Variants in COPG2 observed in about 807,000 individuals in gnomAD.
The protein encoded by COPG2 is coat protein complex I subunit gamma 2, also known as coatomer subunit gamma-2.
Under a neutral mutation model 46.3 loss-of-function variants are expected in COPG2, and 37 were observed. That is an observed-to-expected ratio of 0.80 (90% CI 0.61 to 1.05). The LOEUF is 1.05. COPG2 is among the 50% of genes least tolerant of loss of function. COPG2 has a pLI of 0.00. For missense variants in COPG2, 427 were observed against 387.8 expected, an observed-to-expected ratio of 1.10 and a Z score of -0.85; for synonymous variants, 159 against 129.7, an observed-to-expected ratio of 1.23 and a Z score of -1.53.
intron 20 of COPG2, among the ~76,000 whole-genome samples, chr7:130,521,321 A>G (rs1298241368): frequency 1.3e-5 from 2 of 152,244 alleles, no homozygotes; most frequent in African/African-American, 4.8e-5. Flanking sequence ...CATTCAGTGA[A>G]GTGGACATAA....
intron 5 of COPG2, among the ~76,000 whole-genome samples, chr7:130,647,057 T>A (rs1315065674): frequency 2.0e-5 from 3 of 149,194 alleles, no homozygotes; most frequent in African/African-American, 7.4e-5. Flanking sequence ...TTATTTATTT[T>A]TAAGATGGAA....
At chr7:130,662,131 T>A (rs1282291844) in intron 4 of COPG2, among the ~76,000 whole-genome samples, 3 of 152,176 alleles carry the variant, frequency 2.0e-5, no homozygotes, top group East Asian at 3.9e-4. Context: ...CAGTCCTTTA[T>A]CCCATATGTG....
chr7:130,615,429 C>T (rs1794934484), intron 6 of COPG2, among the ~76,000 whole-genome samples: 1 of 152,160 alleles, frequency 6.6e-6, no homozygotes, highest in Non-Finnish European at 1.5e-5. Context: ...AATGAATGCA[C>T]TTCATCTATG....
At chr7:130,536,993 T>C (rs1374569349) in intron 20 of COPG2, among the ~76,000 whole-genome samples, 1 of 130,574 alleles carries the variant, frequency 7.7e-6, no homozygotes, top group Non-Finnish European at 1.6e-5. Flanking sequence ...AGGGAGGAGG[T>C]GGGAGGAGGG....
At chr7:130,554,760 A>T in intron 13 of COPG2, 36 bp from the exon 14 acceptor site, 1 of 398,624 alleles carries the variant, frequency 2.5e-6, no homozygotes, top group South Asian at 1.3e-4. Context: ...CATTCATTCT[A>T]GGGACACATT....
chr7:130,635,038 C>T (rs1795308031), intron 5 of COPG2, among the ~76,000 whole-genome samples: 1 of 150,336 alleles, frequency 6.7e-6, no homozygotes, highest in Admixed American at 6.7e-5. Context: ...GCTGAACCAG[C>T]CTTGCATCCC....
intron 9 of COPG2, among the ~76,000 whole-genome samples, chr7:130,565,840 C>T (rs1793793911): frequency 6.6e-6 from 1 of 151,370 alleles, no homozygotes; most frequent in Admixed American, 6.6e-5. Context: ...CAGACTTGCA[C>T]AGGCAGATGA....
rs1263188076 is a variant in COPG2 at position 130,662,986 on chromosome 7, C to T, written c.224G>A (p.Arg75Gln). ...EATEAFFAMT[R>Q]LFQSNDQTLR... The stretch of plus-strand genomic sequence containing the variant: ...ACTTACATCATTAGATTGAAACAAT[C>T]GCGTCATTGCAAAGAAGGCTTCTGT... Residue 75 changes from arginine to glutamine, a missense_variant, in exon 4 of 24, where the codon CGA becomes CAA. Coordinates refer to ENST00000425248, the MANE Select transcript of COPG2 (RefSeq NM_012133.6). 10 of 1,547,748 alleles carry T rather than the reference C, an allele frequency of 6.5e-6. No individual in the cohort carries two copies. The highest frequency in any genetic ancestry group is 2.8e-5 in the African/African-American group (2 of 72,500).
At chr7:130,646,917 G>A (rs1795605199) in intron 5 of COPG2, among the ~76,000 whole-genome samples, 1 of 108,004 alleles carries the variant, frequency 9.3e-6, no homozygotes, top group South Asian at 3.0e-4. Context: ...CGGATAGTGT[G>A]TGTTTGTGTG....
intron 4 of COPG2, among the ~76,000 whole-genome samples, chr7:130,662,135 A>AT (rs1214393459): frequency 6.6e-6 from 1 of 152,164 alleles, no homozygotes; most frequent in Non-Finnish European, 1.5e-5. Flanking sequence ...CCTTTATCCC[A>AT]TATGTGAGGA....
At chr7:130,574,625 A>C (rs1350215632) in intron 9 of COPG2, among the ~76,000 whole-genome samples, 1 of 152,172 alleles carries the variant, frequency 6.6e-6, no homozygotes, top group African/African-American at 2.4e-5. Context: ...GTAATATGAC[A>C]AAACAAGGCT....
rs898857986 is a variant in COPG2 at position 130,550,665 on chromosome 7, A to C, written c.1649-16T>G. On this transcript the variant is annotated splice_polypyrimidine_tract_variant and intron_variant, in intron 16 of 23. Coordinates refer to ENST00000425248, the MANE Select transcript of COPG2 (RefSeq NM_012133.6). Reference sequence around the variant, plus strand: ...ACCGTCAAACCTGTGAAACATAGAGAAATCTCAGCATTATAACCTCTTGCC... The same window carrying C: ...ACCGTCAAACCTGTGAAACATAGAGCAATCTCAGCATTATAACCTCTTGCC... 8.3e-5 allele frequency: 33 copies of C among 396,660 alleles called. No individual in the cohort carries two copies. Among genetic ancestry groups the C allele is most frequent in the African/African-American group, 6.6e-4 (32 of 48,634 alleles). 24.6% of individuals were successfully genotyped at this position (396,660 alleles called of 1,614,324 possible). A position where few individuals can be genotyped will look rare whatever the true frequency, so the allele number is the denominator to read the frequency against.
chr7:130,574,018 T>A (rs782764171), intron 9 of COPG2, among the ~76,000 whole-genome samples: 1 of 152,180 alleles, frequency 6.6e-6, no homozygotes, highest in African/African-American at 2.4e-5. Context: ...TGGAAAAATA[T>A]ATGTACACAC....
rs533440434 is a variant in COPG2 at position 130,623,770 on chromosome 7, G to C, written c.324-6705C>G. Among the ~76,000 whole-genome samples, 3 of 152,192 alleles carry C rather than the reference G, an allele frequency of 2.0e-5. No homozygotes were observed. In the East Asian group the frequency reaches 5.8e-4, roughly 29 times the overall value. ...GAAGGCTGAGGTGGGAGGATTGCTT[G>C]AGCCAGGAGTTTGAGGACAGCCTGG... On this transcript the variant is annotated intron_variant, in intron 5 of 23. Transcript: ENST00000425248.
chr7:130,570,046 G>A (rs1215770495), intron 9 of COPG2, among the ~76,000 whole-genome samples: 1 of 152,120 alleles, frequency 6.6e-6, no homozygotes, highest in East Asian at 1.9e-4. Flanking sequence ...GGCACAGAGG[G>A]GATGTGCCTT....
rs201270719 is a variant in COPG2, at chr7:130,624,166, C to CT, written c.324-7102dup. Among the ~76,000 whole-genome samples the CT allele has an allele frequency of 9.8e-3, 1,492 of 152,202 alleles. 23 individuals are homozygous for CT. The highest frequency in any genetic ancestry group is 0.034 in the African/African-American group (1,415 of 41,518). The stretch of plus-strand genomic sequence containing the variant: ...TAATTCCAATCCCAAGGGCTCCATC[C>CT]TCATAATCTAATCACCCCCAAAGGC... On this transcript the variant is annotated intron_variant, in intron 5 of 23. Transcript: ENST00000425248.
chr7:130,636,538 GTTTTTT>G (rs59688621), intron 5 of COPG2, among the ~76,000 whole-genome samples: 2 of 94,142 alleles, frequency 2.1e-5, no homozygotes, highest in Non-Finnish European at 4.1e-5. Context: ...ATTGCAACCG[GTTTTTT>G]TTTTTTTTTT....
At chr7:130,613,397 C>G (rs1375414900) in intron 7 of COPG2, 147 bp downstream of exon 7, 17 of 593,142 alleles carry the variant, frequency 2.9e-5, no homozygotes, top group Middle Eastern at 2.9e-4. Context: ...GGGACCCCTG[C>G]TCTAGATAAA....
intron 20 of COPG2, among the ~76,000 whole-genome samples, chr7:130,533,621 A>G (rs1377551049): frequency 2.0e-5 from 3 of 152,146 alleles, no homozygotes; most frequent in Admixed American, 1.3e-4. Context: ...GAATGATCAG[A>G]GCTCAAATCA....
Sources: allele counts gnomAD v4.1 joint callset (sites outside exome capture counted in the v4.1 genomes callset), GRCh38; gene constraint gnomAD v4.1.1; transcripts MANE v1.5; gene names NCBI Gene and HGNC (gene_info 2026-07-23, HGNC 2026-07-21).